RNF4: variants seen among roughly 807,000 people sequenced by gnomAD.
RNF4 encodes the protein E3 ubiquitin-protein ligase RNF4.
A neutral mutation model predicts 24.3 loss-of-function variants in RNF4; 7 were observed. The ratio of observed to expected loss-of-function variants is 0.29; its 90% CI spans 0.16 to 0.54. The LOEUF (loss-of-function observed/expected upper bound fraction) is 0.54. Among genes scored for constraint, RNF4 ranks in the 20% least tolerant of loss-of-function variants. RNF4 has a pLI of 0.95. For synonymous variants in RNF4, 83 were observed against 84.3 expected (o/e 0.98, Z 0.09); for missense variants, 209 against 248.5 (o/e 0.84, Z 1.07).
intron 1 of RNF4, among the ~76,000 whole-genome samples, chr4:2,484,156 G>A (rs915826178): frequency 6.8e-6 from 1 of 146,692 alleles, no homozygotes; most frequent in Non-Finnish European, 1.5e-5. Context: ...GTGGGTAATT[G>A]TATCAGACTC....
At chr4:2,495,077 C>G (rs1021837347) in intron 2 of RNF4, among the ~76,000 whole-genome samples, 12 of 132,172 alleles carry the variant, frequency 9.1e-5, no homozygotes, top group African/African-American at 2.5e-4. Context: ...TAGAACTCCA[C>G]TGAGGTTAGT....
At position 2,513,680 on chromosome 4, in the gene RNF4, A is replaced by G. The variant is rs1331316710; in HGVS notation, c.434A>G (p.Asn145Ser). 1 of 1,613,830 alleles carries G rather than the reference A, an allele frequency of 6.2e-7. No individual in the cohort carries two copies. Among genetic ancestry groups the G allele is most frequent in the African/African-American group, 1.3e-5 (1 of 74,928 alleles). Reference protein sequence around the residue: ...CMDGYSEIVQNGRLIVSTECG... With the variant: ...CMDGYSEIVQSGRLIVSTECG... ...TTTAATGCCTTCTAGATCGTGCAGA[A>G]TGGACGTCTCATCGTTTCCACAGAA... Residue 145 changes from asparagine (N) to serine (S), a missense_variant, in exon 8 of 8, where the codon AAT becomes AGT. By Grantham distance (46) the Asn-to-Ser change is conservative. This residue lies in a region of RNF4 where 182 missense variants were observed against 197.2 expected (regional missense o/e 0.92). Transcript: ENST00000314289.
chr4:2,473,372 A>T (rs891389689), intron 1 of RNF4, among the ~76,000 whole-genome samples: 1 of 151,178 alleles, frequency 6.6e-6, no homozygotes, highest in African/African-American at 2.5e-5. Flanking sequence ...CAACAGTGAG[A>T]TTCCGTCTTA....
chr4:2,492,452 GAC>G (rs1314496344), intron 2 of RNF4, among the ~76,000 whole-genome samples: 1 of 152,210 alleles, frequency 6.6e-6, no homozygotes, highest in Non-Finnish European at 1.5e-5. Context: ...ATTCTCTACT[GAC>G]AGAGTTCTCA....
At position 2,512,473 on chromosome 4, in the gene RNF4, C is replaced by T. The variant is rs1405462853; in HGVS notation, c.250C>T (p.Pro84Ser). ...RRPRRNARRL[P>S]QDHADSCVVS... ...ACCAAGGAGGAATGCTAGGAGGCTG[C>T]CCCAGGACCATGCTGACAGCTGTGT... The change falls in exon 6 of 8, where the codon CCC becomes TCC. Residue 84 changes from proline to serine, a missense_variant. Pro to Ser is a moderately conservative substitution (Grantham distance 74). Around this residue, in one of 3 missense-constraint regions of RNF4, gnomAD observed 182 missense variants for 197.2 expected, o/e 0.92. Coordinates refer to ENST00000314289, the MANE Select transcript of RNF4 (RefSeq NM_002938.5). This position sits in a 1 kb window ranked among gnomAD's most constrained non-coding sequence, Gnocchi z 4.1. The T allele has an allele frequency of 1.9e-6, 3 of 1,613,384 alleles. No individual in the cohort carries two copies. The highest frequency in any genetic ancestry group is 4.5e-5 in the East Asian group (2 of 44,860).
chr4:2,503,709 G>A (rs1735984306), intron 4 of RNF4, among the ~76,000 whole-genome samples: 1 of 152,226 alleles, frequency 6.6e-6, no homozygotes, highest in African/African-American at 2.4e-5. Context: ...CTGAGGATAA[G>A]GGGCATCTGT....
chr4:2,481,869 G>A (rs1052389035), intron 1 of RNF4, among the ~76,000 whole-genome samples: 4 of 152,072 alleles, frequency 2.6e-5, no homozygotes, highest in African/African-American at 7.2e-5. Context: ...CACTATGCCC[G>A]GCTAAGTTTT....
At chr4:2,484,100 ATTACAGGTG>A (rs1383219661) in intron 1 of RNF4, among the ~76,000 whole-genome samples, 1 of 49,990 alleles carries the variant, frequency 2.0e-5, no homozygotes, top group Admixed American at 2.5e-4. Context: ...AAGTGCTGGG[ATTACAGGTG>A]TGAGCCACCA....
At chr4:2,507,041 C>G (rs1200241737) in intron 4 of RNF4, among the ~76,000 whole-genome samples, 1 of 152,188 alleles carries the variant, frequency 6.6e-6, no homozygotes, top group Non-Finnish European at 1.5e-5. Flanking sequence ...AAGATTGTCT[C>G]TTAGTAAGGT....
chr4:2,475,661 A>T (rs1578497015), intron 1 of RNF4, among the ~76,000 whole-genome samples: 1 of 152,084 alleles, frequency 6.6e-6, no homozygotes, highest in Admixed American at 6.5e-5. Flanking sequence ...TTTTTAACAA[A>T]GTTTTGTAGA....
chr4:2,492,591 G>A (rs1735614463), intron 2 of RNF4, among the ~76,000 whole-genome samples: 1 of 152,214 alleles, frequency 6.6e-6, no homozygotes, highest in African/African-American at 2.4e-5. Context: ...TACTGTGAAT[G>A]GTATGGGAAG....
intron 4 of RNF4, among the ~76,000 whole-genome samples, chr4:2,509,796 G>A (rs1435833398): frequency 6.6e-6 from 1 of 152,204 alleles, no homozygotes; most frequent in African/African-American, 2.4e-5. Flanking sequence ...GGCACTGGGA[G>A]TGTCATACCC....
intron 3 of RNF4, among the ~76,000 whole-genome samples, chr4:2,500,050 C>T (rs1184826118): frequency 6.7e-6 from 1 of 150,200 alleles, no homozygotes; most frequent in Non-Finnish European, 1.5e-5. Context: ...CCCAACTACT[C>T]GGGAGGCTGA....
At chr4:2,505,204 CT>C (rs965012369) in intron 4 of RNF4, 2 of 152,150 alleles carry the variant, frequency 1.3e-5, no homozygotes, top group Non-Finnish European at 2.9e-5. Context: ...AGCATTTTAA[CT>C]TTCCTCACAG....
chr4:2,488,389 G>C (rs1735477046), intron 1 of RNF4, among the ~76,000 whole-genome samples: 1 of 152,214 alleles, frequency 6.6e-6, no homozygotes, highest in African/African-American at 2.4e-5. Flanking sequence ...CTTGAACCTG[G>C]GAGGTGGAGG....
intron 4 of RNF4, among the ~76,000 whole-genome samples, chr4:2,501,569 A>G (rs898996048): frequency 6.6e-6 from 1 of 152,170 alleles, no homozygotes; most frequent in African/African-American, 2.4e-5. Context: ...GACCTGTTTC[A>G]TGGTGCATGC....
chr4:2,496,521 C>T lies in RNF4; in HGVS notation c.10-486C>T, dbSNP rs902438520. Among the ~76,000 whole-genome samples the T allele has an allele frequency of 7.2e-5, 11 of 152,196 alleles. No individual in the cohort carries two copies. The East Asian group carries it at 1.6e-3, about 21-fold the overall frequency. Reference sequence around the variant, plus strand: ...TGTCACCCGGGCTAGAGTACAGTGACGCGATCTCGCCTCACTGCAACCTCT... The same window carrying T: ...TGTCACCCGGGCTAGAGTACAGTGATGCGATCTCGCCTCACTGCAACCTCT... On this transcript the variant is annotated intron_variant, in intron 2 of 7. Coordinates refer to ENST00000314289, the MANE Select transcript of RNF4 (RefSeq NM_002938.5).
intron 4 of RNF4, among the ~76,000 whole-genome samples, chr4:2,507,172 T>G (rs1403749580): frequency 1.3e-5 from 2 of 151,724 alleles, no homozygotes; most frequent in Non-Finnish European, 2.9e-5. Flanking sequence ...AAAGGATGCT[T>G]GATAAAGGCT....
At position 2,504,726 on chromosome 4, in the gene RNF4, A is replaced by ATTTTTTTTT. The variant is rs1182588172; in HGVS notation, c.204+4001_204+4009dup. On this transcript the variant is annotated intron_variant, in intron 4 of 7. Transcript: ENST00000314289. Reference sequence around the variant, plus strand: ...CCACCATGCCCGGCTCATTTTTTGTATTTTTTTTTTTTTTTTTTTTTGAGA... The same window carrying ATTTTTTTTT: ...CCACCATGCCCGGCTCATTTTTTGTATTTTTTTTTTTTTTTTTTTTTTTTTTTTTTGAGA... Among the ~76,000 whole-genome samples the ATTTTTTTTT allele has an allele frequency of 6.4e-4, 39 of 61,110 alleles. No homozygotes were observed. In the East Asian group the frequency reaches 9.2e-3, roughly 14 times the overall value. The allele number at this position is 61,110 out of a possible 152,430, so 40.1% of individuals were successfully genotyped here. A position where few individuals can be genotyped will look rare whatever the true frequency, so the allele number is the denominator to read the frequency against.
Sources: gnomAD v4.1 joint callset for allele counts (sites outside exome capture counted in the v4.1 genomes callset) on GRCh38, gnomAD v4.1.1 for gene constraint, gnomAD v4.1.1 regional missense constraint, Gnocchi (gnomAD v3.1) non-coding constraint, MANE v1.5 for transcripts, NCBI Gene and HGNC (gene_info 2026-07-23, HGNC 2026-07-21) for gene names.